PALB2: variants seen among roughly 807,000 people sequenced by gnomAD.
PALB2 encodes mutant partner and localizer of BRCA2.
PALB2 carries 82 observed loss-of-function variants against 107.4 expected under a neutral mutation model. The observed-to-expected ratio is 0.76, with a 90% CI of 0.64 to 0.92. The LOEUF (loss-of-function observed/expected upper bound fraction) is 0.92. Among genes scored for constraint, PALB2 ranks in the 40% least tolerant of loss-of-function variants. PALB2 has a pLI of 0.00. For missense variants in PALB2, 1,374 were observed against 1,379.9 expected, an observed-to-expected ratio of 1.00 and a Z score of 0.07; for synonymous variants, 489 against 496.8, an observed-to-expected ratio of 0.98 and a Z score of 0.21.
In PALB2 at chr16:23,624,151, C is replaced by T. The variant is rs1231869203; in HGVS notation, c.2749-57G>A. The T allele has an allele frequency of 4.0e-6, 5 of 1,239,190 alleles. No homozygotes were observed. The African/African-American group carries it at 7.5e-5, about 19-fold the overall frequency. 76.8% of individuals were successfully genotyped at this position (1,239,190 alleles called of 1,614,324 possible). On this transcript the variant is annotated intron_variant, in intron 7 of 12. Coordinates refer to ENST00000261584, the MANE Select transcript of PALB2 (RefSeq NM_024675.4). The stretch of plus-strand genomic sequence containing the variant: ...TTGGTTGTTTCATTTTTGTTTAATC[C>T]AGATTTTCCAAAATTTATCACATTC...
chr16:23,609,570 T>C (rs1966545803), intron 11 of PALB2, among the ~76,000 whole-genome samples: 1 of 152,146 alleles, frequency 6.6e-6, no homozygotes, highest in South Asian at 2.1e-4. Context: ...CAGGCTGGCG[T>C]GCAGTGGTGC....
At position 23,629,696 on chromosome 16, in the gene PALB2, C is replaced by T. The variant is rs772048795; in HGVS notation, c.2458G>A (p.Glu820Lys). The T allele has an allele frequency of 1.9e-6, 3 of 1,614,198 alleles. No individual in the cohort carries two copies. Among genetic ancestry groups the T allele is most frequent in the Non-Finnish European group, 1.7e-6 (2 of 1,180,026 alleles). Residue 820 changes from glutamate to lysine, a missense_variant, in exon 5 of 13, where the codon GAA becomes AAA. Coordinates refer to ENST00000261584, the MANE Select transcript of PALB2 (RefSeq NM_024675.4). ...CATGTGTTTCTACAGAGCTGATTTT[C>T]TTTAAAAGTGAATGACTCAATGGGT... Reference protein sequence around the residue: ...PPPIESFTFKENQLCRNTCQE... With the variant: ...PPPIESFTFKKNQLCRNTCQE...
chr16:23,610,534 C>T (rs866241244), intron 11 of PALB2, among the ~76,000 whole-genome samples: 12 of 151,436 alleles, frequency 7.9e-5, no homozygotes, highest in Non-Finnish European at 1.3e-4. Context: ...GTCTCAATCT[C>T]CTGACCTCGT....
intron 11 of PALB2, among the ~76,000 whole-genome samples, chr16:23,612,942 G>A (rs559936557): frequency 6.6e-6 from 1 of 151,500 alleles, no homozygotes; most frequent in East Asian, 1.9e-4. Context: ...TAGTAGAGGT[G>A]GGCTTTCACC....
chr16:23,607,665 T>C lies in PALB2; in HGVS notation c.3350+199A>G, dbSNP rs112256585. ...ATTAAAAACCTATATAACCCCATACTAGTAGAGATCAGGATGCAGGGAATC... is the reference window on the plus strand; with the variant it reads ...ATTAAAAACCTATATAACCCCATACCAGTAGAGATCAGGATGCAGGGAATC... On this transcript the variant is annotated intron_variant, in intron 12 of 12. Coordinates refer to ENST00000261584, the MANE Select transcript of PALB2 (RefSeq NM_024675.4). Among the ~76,000 whole-genome samples the C allele has an allele frequency of 3.7e-4, 56 of 152,252 alleles. 1 individual carries two copies. The highest frequency in any genetic ancestry group is 1.1e-3 in the African/African-American group (47 of 41,536).
chr16:23,608,224 TTC>T (rs1245850584), intron 11 of PALB2, among the ~76,000 whole-genome samples: 3 of 151,842 alleles, frequency 2.0e-5, no homozygotes, highest in Admixed American at 1.3e-4. Context: ...CTTGTTCTTC[TTC>T]TTTTTTTTTT....
chr16:23,635,402 T>G lies in PALB2; in HGVS notation c.1144A>C (p.Ser382Arg), dbSNP rs1060502737. ...SEILSQPKSL[S>R]LEATSPLSAE... ...GAAAGAGGAGAGGTTGCTTCCAGGC[T>G]AAGACTCTTAGGTTGACTTAGAATC... Residue 382 changes from serine (S) to arginine (R), a missense_variant, in exon 4 of 13, where the codon AGC (serine) becomes CGC (arginine). Transcript: ENST00000261584. The G allele has an allele frequency of 1.9e-6, 3 of 1,614,102 alleles. No homozygotes were observed. The highest frequency in any genetic ancestry group is 2.5e-6 in the Non-Finnish European group (3 of 1,180,018).
At position 23,628,169 on chromosome 16, in the gene PALB2, GTGGAGAT is replaced by G. The variant is rs1023370585; in HGVS notation, c.2586+1028_2586+1034del. Among the ~76,000 whole-genome samples the G allele has an allele frequency of 3.7e-4, 57 of 152,226 alleles. 1 individual carries two copies. The highest frequency in any genetic ancestry group is 1.4e-4 in the African/African-American group (6 of 41,462). ...AACCTGTAGGCGGAGGTTGCAGTGA[GTGGAGAT>G]TGGAGATTGGAGATTGCCCCACTGC... is the stretch of plus-strand genomic sequence containing the variant. On this transcript the variant is annotated intron_variant, in intron 6 of 12. Coordinates refer to ENST00000261584, the MANE Select transcript of PALB2 (RefSeq NM_024675.4).
chr16:23,633,198 A>G (rs1271470546), intron 4 of PALB2, among the ~76,000 whole-genome samples: 1 of 152,222 alleles, frequency 6.6e-6, no homozygotes, highest in African/African-American at 2.4e-5. Flanking sequence ...AGATGATGAA[A>G]AGTCACAATT....
At chr16:23,622,050 C>G (rs1328543811) in intron 9 of PALB2, among the ~76,000 whole-genome samples, 22 of 152,168 alleles carry the variant, frequency 1.4e-4, no homozygotes, top group Admixed American at 1.4e-3. Flanking sequence ...ATTACTGCAA[C>G]AGATCATGAA....
At position 23,614,011 on chromosome 16, in the gene PALB2, G is replaced by A. The variant is rs1347982621; in HGVS notation, c.3194C>T (p.Ser1065Phe). The A allele has an allele frequency of 1.2e-6, 2 of 1,611,518 alleles. No homozygotes were observed. Among genetic ancestry groups the A allele is most frequent in the South Asian group, 2.2e-5 (2 of 90,976 alleles). The change falls in exon 11 of 13, where the codon TCT (serine) becomes TTT (phenylalanine). Residue 1065 changes from serine to phenylalanine, a missense_variant. Physicochemically the swap from Ser to Phe is radical, Grantham distance 155. Transcript: ENST00000261584. ...YQASVCHKAY[S>F]EMGLLFIVLS... ...CAGCCAGTCATTACTTACCATTTCA[G>A]AATAGGCTTTGTGACAGACTGAAGC...
chr16:23,613,945 C>T (rs2142297912), intron 11 of PALB2, 59 bp downstream of exon 11: 6 of 1,255,302 alleles, frequency 4.8e-6, no homozygotes, highest in Non-Finnish European at 7.0e-6. Context: ...TGACTTACTG[C>T]TCTCACTTAA....
Position 23,629,960 on chromosome 16 carries a change from C to G in PALB2, c.2194G>C (p.Gly732Arg), listed in dbSNP as rs1304968988. Residue 732 changes from glycine to arginine, a missense_variant, in exon 5 of 13, where the codon GGT (glycine) becomes CGT (arginine). Physicochemically the swap from Gly to Arg is moderately radical, Grantham distance 125. Transcript: ENST00000261584. Reference sequence around the variant, plus strand: ...TGAGGGCCAAAGGCTGGAGTAGTACCTAAGATGGGGAAAGCAGGTGAACAC... The same window carrying G: ...TGAGGGCCAAAGGCTGGAGTAGTACGTAAGATGGGGAAAGCAGGTGAACAC... ...DMCSPAFPIL[G>R]TTPAFGPQGS... 2 of 1,614,026 alleles carry G rather than the reference C, an allele frequency of 1.2e-6. No individual in the cohort carries two copies. The highest frequency in any genetic ancestry group is 1.7e-6 in the Non-Finnish European group (2 of 1,180,036).
At chr16:23,621,055 C>G (rs1302722138) in intron 10 of PALB2, among the ~76,000 whole-genome samples, 1 of 152,122 alleles carries the variant, frequency 6.6e-6, no homozygotes, top group Non-Finnish European at 1.5e-5. Context: ...CTAAAAAATA[C>G]AAAAATTAGC....
chr16:23,622,359 T>A (rs1484532202), intron 9 of PALB2, among the ~76,000 whole-genome samples: 1 of 151,730 alleles, frequency 6.6e-6, no homozygotes, highest in African/African-American at 2.4e-5. Context: ...TCTAGGACCT[T>A]AAGGTATTTC....
chr16:23,631,093 G>C (rs1484932081), intron 4 of PALB2, among the ~76,000 whole-genome samples: 1 of 140,284 alleles, frequency 7.1e-6, no homozygotes, highest in East Asian at 2.0e-4. Flanking sequence ...GTGAAACCCC[G>C]TCTCTACTAA....
intron 6 of PALB2, among the ~76,000 whole-genome samples, chr16:23,627,357 G>A (rs984473868): frequency 1.3e-5 from 2 of 151,568 alleles, no homozygotes; most frequent in Non-Finnish European, 2.9e-5. Flanking sequence ...CGCGGTGGCG[G>A]GCGCCTGTAG....
chr16:23,632,550 A>C (rs934598454), intron 4 of PALB2, among the ~76,000 whole-genome samples: 1 of 152,152 alleles, frequency 6.6e-6, no homozygotes, highest in African/African-American at 2.4e-5. Context: ...TAGAGATAGA[A>C]TGCAGATTGG....
rs80291632 is a variant in PALB2 at position 23,636,392 on chromosome 16, T to G, written c.212-58A>C. The G allele has an allele frequency of 0.028, 33,059 of 1,180,030 alleles. 553 individuals are homozygous for G. The highest frequency in any genetic ancestry group is 0.053 in the Middle Eastern group (183 of 3,476). The allele number at this position is 1,180,030 out of a possible 1,614,324, so 73.1% of individuals were successfully genotyped here. ...TTTTCTTATAAAATAAAACAAAAAA[T>G]ACTCATTTTTAACCTATTATATATA... On this transcript the variant is annotated intron_variant, in intron 3 of 12. Coordinates refer to ENST00000261584, the MANE Select transcript of PALB2 (RefSeq NM_024675.4).
Sources: allele counts gnomAD v4.1 joint callset (sites outside exome capture counted in the v4.1 genomes callset), GRCh38; gene constraint gnomAD v4.1.1; transcripts MANE v1.5; gene names NCBI Gene and HGNC (gene_info 2026-07-23, HGNC 2026-07-21).